Variants in OPRM1 observed in about 807,000 individuals in gnomAD.
OPRM1 encodes the protein mu-type opioid receptor.
A neutral mutation model predicts 31.8 loss-of-function variants in OPRM1; 27 were observed. The observed-to-expected ratio is 0.85, with a 90% CI of 0.63 to 1.17. OPRM1 has a LOEUF of 1.17. Ranked by LOEUF, OPRM1 falls within the 50% of genes most tolerant of loss-of-function variation. The probability of loss-of-function intolerance (pLI) is 0.00; values close to 1 mark genes in which losing one functional copy is unlikely to be tolerated. For synonymous variants in OPRM1, 196 were observed against 189.9 expected (o/e 1.03, Z -0.26); for missense variants, 536 against 511.1 (o/e 1.05, Z -0.47).
At chr6:154,104,451 T>C (rs1426598530) in intron 3 of OPRM1, among the ~76,000 whole-genome samples, 1 of 152,224 alleles carries the variant, frequency 6.6e-6, no homozygotes, top group Non-Finnish European at 1.5e-5. Flanking sequence ...CTGATTGTAA[T>C]GTGCCCAGAA....
At chr6:154,084,408 C>A (rs944216171) in intron 1 of OPRM1, among the ~76,000 whole-genome samples, 1 of 151,562 alleles carries the variant, frequency 6.6e-6, no homozygotes, top group African/African-American at 2.4e-5. Flanking sequence ...ACCTCCCCCC[C>A]CAACAGACAG....
intron 3 of OPRM1, among the ~76,000 whole-genome samples, chr6:154,226,936 C>T (rs1400759661): frequency 6.6e-6 from 1 of 152,220 alleles, no homozygotes; most frequent in African/African-American, 2.4e-5. Flanking sequence ...GTGGCTCACG[C>T]CTGTAATCCC....
chr6:154,064,743 A>T (rs559305788), intron 1 of OPRM1, among the ~76,000 whole-genome samples: 3 of 152,284 alleles, frequency 2.0e-5, no homozygotes, highest in African/African-American at 7.2e-5. Flanking sequence ...TGTTGAAAAG[A>T]CTGTTCTTTC....
chr6:154,136,898 A>G (rs1474103082), downstream of OPRM1, among the ~76,000 whole-genome samples: 1 of 152,198 alleles, frequency 6.6e-6, no homozygotes. Flanking sequence ...CTATTTGGGG[A>G]TATAAAGTGT....
At chr6:154,189,973 C>T (rs1328640803) in intron 3 of OPRM1, among the ~76,000 whole-genome samples, 5 of 151,716 alleles carry the variant, frequency 3.3e-5, no homozygotes, top group Non-Finnish European at 4.4e-5. Flanking sequence ...CACCGTACCA[C>T]ATTAATATGT....
chr6:154,097,284 A>G (rs1002335928), intron 3 of OPRM1, among the ~76,000 whole-genome samples: 1 of 152,220 alleles, frequency 6.6e-6, no homozygotes, highest in Admixed American at 6.5e-5. Context: ...ATAGCGGGTC[A>G]AGAAGTTAGG....
At chr6:154,132,546 C>G (rs1049143164), downstream of OPRM1, among the ~76,000 whole-genome samples, 1 of 152,090 alleles carries the variant, frequency 6.6e-6, no homozygotes, top group Non-Finnish European at 1.5e-5. Context: ...ATTTTTAGAA[C>G]CAAAATGTCT....
At chr6:154,088,382 T>C (rs1465976667) in intron 1 of OPRM1, among the ~76,000 whole-genome samples, 11 of 152,162 alleles carry the variant, frequency 7.2e-5, no homozygotes, top group Non-Finnish European at 2.9e-5. Flanking sequence ...AAAGACACTT[T>C]TGGGAGCAAT....
chr6:154,099,911 T>C (rs991045813), intron 3 of OPRM1, among the ~76,000 whole-genome samples: 1 of 144,724 alleles, frequency 6.9e-6, no homozygotes, highest in East Asian at 2.0e-4. Context: ...TTATGATATA[T>C]ATCATAACAT....
chr6:154,228,731 T>C (rs1779468267), intron 3 of OPRM1, among the ~76,000 whole-genome samples: 1 of 151,794 alleles, frequency 6.6e-6, no homozygotes, highest in African/African-American at 2.4e-5. Context: ...CTTTAAACAC[T>C]CTGCTCTTGG....
intron 3 of OPRM1, among the ~76,000 whole-genome samples, chr6:154,170,832 A>G (rs1330765267): frequency 6.6e-6 from 1 of 152,202 alleles, no homozygotes; most frequent in Non-Finnish European, 1.5e-5. Flanking sequence ...ACCCTCATAC[A>G]TTGTTAGTGG....
At chr6:154,233,601 T>C (rs1018301747) in intron 3 of OPRM1, among the ~76,000 whole-genome samples, 1 of 152,278 alleles carries the variant, frequency 6.6e-6, no homozygotes, top group East Asian at 1.9e-4. Flanking sequence ...ATTCTTGGCA[T>C]TGATTATAAA....
intron 3 of OPRM1, among the ~76,000 whole-genome samples, chr6:154,111,704 A>T (rs762725648): frequency 1.3e-5 from 2 of 152,216 alleles, no homozygotes; most frequent in Non-Finnish European, 2.9e-5. Flanking sequence ...GACCAAAAAT[A>T]GCCCAAGGGT....
intron 3 of OPRM1, among the ~76,000 whole-genome samples, chr6:154,189,597 T>C (rs1377167143): frequency 2.0e-5 from 3 of 152,290 alleles, no homozygotes; most frequent in East Asian, 3.9e-4. Context: ...AAATAAATAA[T>C]AAATGCTTAA....
intron 3 of OPRM1, among the ~76,000 whole-genome samples, chr6:154,191,665 CT>C (rs1801896795): frequency 7.3e-6 from 1 of 137,840 alleles, no homozygotes; most frequent in Non-Finnish European, 1.6e-5. Flanking sequence ...CAGAGTGAGA[CT>C]TTGCCTCAAC....
chr6:154,236,714 A>AT (rs1400032368), intron 3 of OPRM1, among the ~76,000 whole-genome samples: 1 of 152,182 alleles, frequency 6.6e-6, no homozygotes, highest in Non-Finnish European at 1.5e-5. Flanking sequence ...GGTAACAGAC[A>AT]TCTATTCATG....
intron 3 of OPRM1, among the ~76,000 whole-genome samples, chr6:154,209,936 A>G: frequency 6.6e-6 from 1 of 152,256 alleles, no homozygotes; most frequent in East Asian, 1.9e-4. Context: ...TCTAAAAAAT[A>G]ACATTTGATT....
chr6:154,166,819 TAATC>T (rs1217911623), intron 3 of OPRM1, among the ~76,000 whole-genome samples: 5 of 152,210 alleles, frequency 3.3e-5, no homozygotes, highest in African/African-American at 1.2e-4. Flanking sequence ...TTACATTGAA[TAATC>T]AAATATATTC....
At position 154,232,661 on chromosome 6, in the gene OPRM1, C is replaced by A. The variant is rs1779811339; in HGVS notation, c.1165-14032C>A. Among the ~76,000 whole-genome samples, 4 of 151,892 alleles carry A rather than the reference C, an allele frequency of 2.6e-5. 1 individual carries two copies. Among genetic ancestry groups the A allele is most frequent in the Admixed American group, 1.3e-4 (2 of 15,250 alleles). On this transcript the variant is annotated intron_variant, in intron 3 of 3. Coordinates refer to the OPRM1 transcript ENST00000337049. ...GAGAGAATCTGCAGTCAACACATGG[C>A]ACAGAAAAAAACAACCCTGGATTTG...
Sources: allele counts gnomAD v4.1 joint callset (sites outside exome capture counted in the v4.1 genomes callset), GRCh38; gene constraint gnomAD v4.1.1; transcripts MANE v1.5; gene names NCBI Gene and HGNC (gene_info 2026-07-23, HGNC 2026-07-21).